TUSC3: variants seen among roughly 807,000 people sequenced by gnomAD.
TUSC3 encodes tumor suppressor candidate 3, also known as dolichyl-diphosphooligosaccharide--protein glycosyltransferase subunit TUSC3.
TUSC3 carries 45 observed loss-of-function variants against 44.8 expected under a neutral mutation model. The ratio of observed to expected loss-of-function variants is 1.00; its 90% CI spans 0.79 to 1.29. The LOEUF (loss-of-function observed/expected upper bound fraction) is 1.29, where lower values mean the gene tolerates loss of function less well. TUSC3 is among the 50% of genes most tolerant of loss of function. TUSC3 has a pLI of 0.00. For synonymous variants in TUSC3, 212 were observed against 152.9 expected, an observed-to-expected ratio of 1.39 and a Z score of -2.85; for missense variants, 519 against 437.9, an observed-to-expected ratio of 1.19 and a Z score of -1.65.
the TUSC3 span, among the ~76,000 whole-genome samples, chr8:15,825,760 A>AT: frequency 5.3e-5 from 8 of 151,888 alleles, no homozygotes; most frequent in East Asian, 1.9e-4. Flanking sequence ...CCTCCTATGC[A>AT]TTTTTTTGCC....
At chr8:15,572,572 T>G (rs537791364) in intron 1 of TUSC3, among the ~76,000 whole-genome samples, 1 of 152,328 alleles carries the variant, frequency 6.6e-6, no homozygotes, top group Non-Finnish European at 1.5e-5. Flanking sequence ...ATTAACAACT[T>G]GTCTAACTGT....
intron 2 of TUSC3, among the ~76,000 whole-genome samples, chr8:15,630,624 T>G (rs1025975477): frequency 1.3e-5 from 2 of 152,186 alleles, no homozygotes; most frequent in African/African-American, 4.8e-5. Context: ...AATTTAATGC[T>G]TTCCTTAAGT....
At chr8:15,443,055 T>C (rs970366468) in intron 1 of TUSC3, among the ~76,000 whole-genome samples, 1 of 152,224 alleles carries the variant, frequency 6.6e-6, no homozygotes, top group African/African-American at 2.4e-5. Flanking sequence ...AATCCTCAGC[T>C]GTTTTTGCTA....
intron 2 of TUSC3, among the ~76,000 whole-genome samples, chr8:15,503,814 G>A (rs1732782279): frequency 6.6e-6 from 1 of 151,946 alleles, no homozygotes; most frequent in Non-Finnish European, 1.5e-5. Flanking sequence ...ACTAGCCTGG[G>A]CAGCATGGCA....
intron 6 of TUSC3, among the ~76,000 whole-genome samples, chr8:15,710,960 G>A (rs1809819427): frequency 6.6e-6 from 1 of 150,950 alleles, no homozygotes; most frequent in Admixed American, 6.6e-5. Flanking sequence ...ACTTAACTTT[G>A]CAGTCAGTTA....
At position 15,480,468 on chromosome 8, in the gene TUSC3, C is replaced by T. The variant is rs2129124267; in HGVS notation, n.92-2918C>T. 2.0e-5 allele frequency among the ~76,000 whole-genome samples: 3 copies of T among 152,306 alleles called. No individual in the cohort carries two copies. In the East Asian group the frequency reaches 5.8e-4, roughly 29 times the overall value. ...AACAGATATGTACTTTCTCACAGGC[C>T]AGAAGTCCTACATCAAGTACAACTT... On this transcript the variant is annotated intron_variant and non_coding_transcript_variant, in intron 1 of 5. Coordinates refer to the TUSC3 transcript ENST00000503191.
At chr8:15,626,443 C>A (rs553786983) in intron 2 of TUSC3, among the ~76,000 whole-genome samples, 1 of 152,180 alleles carries the variant, frequency 6.6e-6, no homozygotes, top group Non-Finnish European at 1.5e-5. Flanking sequence ...AGACAGTAGC[C>A]CTACCCTGCC....
intron 2 of TUSC3, among the ~76,000 whole-genome samples, chr8:15,487,919 A>C (rs913830840): frequency 8.5e-6 from 1 of 118,086 alleles, no homozygotes; most frequent in Non-Finnish European, 1.7e-5. Context: ...TTTTTTTTTT[A>C]CTGAAAAGAA....
chr8:15,544,318 T>C (rs1801791113), intron 1 of TUSC3, among the ~76,000 whole-genome samples: 3 of 147,052 alleles, frequency 2.0e-5, no homozygotes, highest in Admixed American at 2.0e-4. Context: ...AATGACCTCT[T>C]CTGATAATGT....
At chr8:15,682,709 A>T (rs1348678659) in intron 6 of TUSC3, among the ~76,000 whole-genome samples, 1 of 151,340 alleles carries the variant, frequency 6.6e-6, no homozygotes, top group Non-Finnish European at 1.5e-5. Flanking sequence ...GTTAACTTTT[A>T]TTCTTGATTG....
chr8:15,764,080 T>C (rs755442299), intron 10 of TUSC3, 123 bp from the exon 11 acceptor site: 2 of 1,026,246 alleles, frequency 1.9e-6, no homozygotes, highest in Non-Finnish European at 2.8e-6. Context: ...TTACAATTAG[T>C]TGAATACAAT....
chr8:15,621,582 A>AAT (rs1445085000), intron 1 of TUSC3, among the ~76,000 whole-genome samples: 1 of 147,780 alleles, frequency 6.8e-6, no homozygotes, highest in African/African-American at 2.5e-5. Flanking sequence ...TCAGACTGCA[A>AAT]ATATATATAT....
intron 7 of TUSC3, among the ~76,000 whole-genome samples, chr8:15,731,154 C>T (rs797008349): frequency 1.4e-4 from 22 of 152,166 alleles, no homozygotes; most frequent in African/African-American, 5.3e-4. Flanking sequence ...AGTGGTTCAA[C>T]ATGCCTTTTT....
At chr8:15,720,391 A>G (rs963089360) in intron 6 of TUSC3, among the ~76,000 whole-genome samples, 14 of 151,968 alleles carry the variant, frequency 9.2e-5, no homozygotes, top group Admixed American at 3.3e-4. Flanking sequence ...AACCAGTAAC[A>G]CTCATTATTA....
chr8:15,491,800 A>C (rs1390985165), intron 2 of TUSC3, among the ~76,000 whole-genome samples: 2 of 152,214 alleles, frequency 1.3e-5, no homozygotes, highest in African/African-American at 4.8e-5. Flanking sequence ...TTCCTCAACA[A>C]GTTCTATCAC....
At chr8:15,452,562 C>T (rs1464232407) in intron 1 of TUSC3, among the ~76,000 whole-genome samples, 1 of 152,010 alleles carries the variant, frequency 6.6e-6, no homozygotes, top group Non-Finnish European at 1.5e-5. Context: ...AGGAGCCAAG[C>T]TAGTGGGAGG....
At chr8:15,852,047 C>T in the TUSC3 span, among the ~76,000 whole-genome samples, 9 of 152,116 alleles carry the variant, frequency 5.9e-5, no homozygotes, top group Non-Finnish European at 1.3e-4. Context: ...CCTCCCCAGC[C>T]ACGTGGAACT....
chr8:15,844,831 A>G, the TUSC3 span, among the ~76,000 whole-genome samples: 1 of 152,174 alleles, frequency 6.6e-6, no homozygotes, highest in African/African-American at 2.4e-5. Flanking sequence ...CTACTCTAGA[A>G]TCTCATTTTA....
At chr8:15,564,964 G>C (rs1802610315) in intron 1 of TUSC3, among the ~76,000 whole-genome samples, 1 of 152,146 alleles carries the variant, frequency 6.6e-6, no homozygotes, top group Non-Finnish European at 1.5e-5. Context: ...TATGAGGTTT[G>C]AAGCATTGTT....
Sources: gnomAD v4.1 joint callset for allele counts (sites outside exome capture counted in the v4.1 genomes callset) on GRCh38, gnomAD v4.1.1 for gene constraint, MANE v1.5 for transcripts, NCBI Gene and HGNC (gene_info 2026-07-23, HGNC 2026-07-21) for gene names.